Variants in SEMA6D observed in about 807,000 individuals in gnomAD.
SEMA6D encodes the protein semaphorin 6D.
SEMA6D carries 35 observed loss-of-function variants against 106.6 expected under a neutral mutation model. That is an observed-to-expected ratio of 0.33 (90% CI 0.25 to 0.44). The LOEUF is 0.44. SEMA6D is among the 20% of genes least tolerant of loss of function. SEMA6D has a pLI of 1.00. For synonymous variants in SEMA6D, 499 were observed against 487.7 expected, an observed-to-expected ratio of 1.02 and a Z score of -0.31; for missense variants, 1,185 against 1,345.9, an observed-to-expected ratio of 0.88 and a Z score of 1.87.
chr15:47,547,490 A>C (rs2045559549), intron 3 of SEMA6D, among the ~76,000 whole-genome samples: 1 of 152,138 alleles, frequency 6.6e-6, no homozygotes. Context: ...TTTTTGTTTT[A>C]AACATCAAAT....
chr15:47,192,913 A>G (rs1009550460), intron 1 of SEMA6D, among the ~76,000 whole-genome samples: 1 of 152,212 alleles, frequency 6.6e-6, no homozygotes, highest in Admixed American at 6.5e-5. Flanking sequence ...CTTACCTAGT[A>G]TATCCAATCC....
At chr15:47,316,102 C>CTTTTTTTTTTTTTTCTTTTTT (rs67090828) in intron 1 of SEMA6D, among the ~76,000 whole-genome samples, 1 of 81,484 alleles carries the variant, frequency 1.2e-5, no homozygotes, top group Admixed American at 1.6e-4. Flanking sequence ...CATTTATTTC[C>CTTTTTTTTTTTTTTCTTTTTT]TTTTTTTTGA....
intron 1 of SEMA6D, among the ~76,000 whole-genome samples, chr15:47,193,313 G>A (rs12901274): frequency 0.45 from 68,410 of 151,994 alleles, 16,215 homozygotes; most frequent in Middle Eastern, 0.55. Flanking sequence ...AATGCTCCAA[G>A]ATCTGCAACT....
chr15:47,618,395 A>G (rs1210090773), intron 4 of SEMA6D, among the ~76,000 whole-genome samples: 2 of 152,230 alleles, frequency 1.3e-5, no homozygotes, highest in Non-Finnish European at 2.9e-5. Context: ...CAGCAAAGCA[A>G]TAGGCTGGTG....
At chr15:47,563,825 C>T (rs2046150050) in intron 3 of SEMA6D, among the ~76,000 whole-genome samples, 2 of 152,192 alleles carry the variant, frequency 1.3e-5, no homozygotes. Flanking sequence ...TATGTATCAT[C>T]ATAAACAGCC....
chr15:47,243,605 GA>G (rs1311315464), intron 1 of SEMA6D, among the ~76,000 whole-genome samples: 1 of 152,060 alleles, frequency 6.6e-6, no homozygotes, highest in Non-Finnish European at 1.5e-5. Flanking sequence ...GACATACCAG[GA>G]AATAAGAAAA....
intron 1 of SEMA6D, among the ~76,000 whole-genome samples, chr15:47,334,672 C>T (rs2037479102): frequency 6.6e-6 from 1 of 152,112 alleles, no homozygotes; most frequent in Admixed American, 6.5e-5. Context: ...TAGAAGGGCC[C>T]TGGCCCACAG....
chr15:47,764,253 A>T lies in SEMA6D; in HGVS notation c.1045A>T (p.Thr349Ser). 2 of 1,613,546 alleles carry T rather than the reference A, an allele frequency of 1.2e-6. No homozygotes were observed. Among genetic ancestry groups the T allele is most frequent in the Non-Finnish European group, 1.7e-6 (2 of 1,179,728 alleles). ...VFKGRFKEQK[T>S]PDSVWTAVPE... ...CAAAGGACGGTTTAAGGAACAGAAAACTCCAGATTCTGTTTGGACAGCAGT... is the reference window on the plus strand; with the variant it reads ...CAAAGGACGGTTTAAGGAACAGAAATCTCCAGATTCTGTTTGGACAGCAGT... The change falls in exon 11 of 19, where the codon ACT (threonine) becomes TCT (serine). Residue 349 changes from threonine (T) to serine (S), a missense_variant. By Grantham distance (58) the Thr-to-Ser change is moderately conservative. This residue lies in a region of SEMA6D where 291 missense variants were observed against 423.8 expected (regional missense o/e 0.69). Transcript: ENST00000536845.
At chr15:47,522,491 G>A (rs1344171081) in intron 3 of SEMA6D, among the ~76,000 whole-genome samples, 2 of 152,146 alleles carry the variant, frequency 1.3e-5, no homozygotes, top group African/African-American at 2.4e-5. Flanking sequence ...GGCAAACACA[G>A]GGTCTCAATA....
intron 3 of SEMA6D, among the ~76,000 whole-genome samples, chr15:47,563,694 G>A (rs181631420): frequency 6.6e-6 from 1 of 152,062 alleles, no homozygotes; most frequent in Non-Finnish European, 1.5e-5. Context: ...AGCATTATGA[G>A]GACAGGAAAT....
At chr15:47,746,984 G>GTATATATA (rs3985864) in intron 1 of SEMA6D, among the ~76,000 whole-genome samples, 4,654 of 122,016 alleles carry the variant, frequency 0.038, 303 homozygotes, top group African/African-American at 0.12. Context: ...GTGTGTGTGT[G>GTATATATA]TATATATATA....
At chr15:47,250,222 A>G (rs780435136) in intron 1 of SEMA6D, among the ~76,000 whole-genome samples, 3 of 152,170 alleles carry the variant, frequency 2.0e-5, no homozygotes, top group African/African-American at 4.8e-5. Context: ...TGATATATCT[A>G]TTAACGGAAA....
In SEMA6D at chr15:47,726,097, C is replaced by G. The variant is rs1165174348; in HGVS notation, c.-55+8405C>G. Among the ~76,000 whole-genome samples the G allele has an allele frequency of 1.3e-4, 20 of 152,234 alleles. 1 individual carries two copies. Among genetic ancestry groups the G allele is most frequent in the Admixed American group, 1.3e-3 (20 of 15,286 alleles). ...GCTCCCACCCCGTTGCTTGTTGAAG[C>G]GAAGGGCAAGCTGCCTCCCCCTGCG... is the stretch of plus-strand genomic sequence containing the variant. On this transcript the variant is annotated intron_variant, in intron 1 of 18. Transcript: ENST00000536845.
intron 3 of SEMA6D, among the ~76,000 whole-genome samples, chr15:47,592,397 C>T (rs906671257): frequency 5.3e-5 from 8 of 152,144 alleles, no homozygotes; most frequent in Admixed American, 2.6e-4. Flanking sequence ...ACTCAGACTG[C>T]ACAGATTAAT....
chr15:47,197,560 AGGG>A (rs1305150446), intron 1 of SEMA6D, among the ~76,000 whole-genome samples: 1 of 150,082 alleles, frequency 6.7e-6, no homozygotes, highest in Non-Finnish European at 1.5e-5. Flanking sequence ...AGGAGTGGAG[AGGG>A]GGAATTAATT....
intron 1 of SEMA6D, among the ~76,000 whole-genome samples, chr15:47,341,466 A>G (rs1055495975): frequency 9.2e-5 from 14 of 152,090 alleles, no homozygotes; most frequent in African/African-American, 3.4e-4. Context: ...TGGAAGTAAC[A>G]CTTGCTTAGA....
intron 3 of SEMA6D, among the ~76,000 whole-genome samples, chr15:47,520,590 A>G (rs1394542130): frequency 6.6e-6 from 1 of 152,198 alleles, no homozygotes; most frequent in South Asian, 2.1e-4. Context: ...GATTAGAGAT[A>G]TTGCACTGTG....
chr15:47,307,638 C>T (rs2036281164), intron 1 of SEMA6D, among the ~76,000 whole-genome samples: 1 of 152,130 alleles, frequency 6.6e-6, no homozygotes, highest in Non-Finnish European at 1.5e-5. Flanking sequence ...CAGTGACCAT[C>T]ACTAGGAGCA....
intron 1 of SEMA6D, among the ~76,000 whole-genome samples, chr15:47,357,803 A>G (rs1213711744): frequency 6.6e-6 from 1 of 152,198 alleles, no homozygotes; most frequent in East Asian, 1.9e-4. Context: ...AACCAAGTTG[A>G]CACTGAGTGT....
Sources: gnomAD v4.1 joint callset for allele counts (sites outside exome capture counted in the v4.1 genomes callset) on GRCh38, gnomAD v4.1.1 for gene constraint, gnomAD v4.1.1 regional missense constraint, MANE v1.5 for transcripts, NCBI Gene and HGNC (gene_info 2026-07-23, HGNC 2026-07-21) for gene names.